The following RANGAP1 variants were observed in gnomAD, a reference collection of about 807,000 sequenced individuals.
RANGAP1 encodes Ran GTPase activating protein 1.
Under a neutral mutation model 63.5 loss-of-function variants are expected in RANGAP1, and 38 were observed. The observed-to-expected ratio is 0.60, with a 90% CI of 0.46 to 0.78. The LOEUF is 0.78. Among genes scored for constraint, RANGAP1 ranks in the 30% least tolerant of loss-of-function variants. The pLI, the probability that RANGAP1 is intolerant of heterozygous loss-of-function variation, is 0.00. For synonymous variants in RANGAP1, 329 were observed against 310.5 expected (o/e 1.06, Z -0.63); for missense variants, 630 against 740.3 (o/e 0.85, Z 1.73).
intron 12 of RANGAP1, among the ~76,000 whole-genome samples, chr22:41,251,608 A>G (rs528551513): frequency 6.6e-6 from 1 of 151,810 alleles, no homozygotes; most frequent in African/African-American, 2.4e-5. Flanking sequence ...CCGGAGTCAC[A>G]AAGCAAAACA....
the RANGAP1 span, chr22:41,301,698 G>C: frequency 6.6e-6 from 1 of 152,130 alleles, no homozygotes; most frequent in Non-Finnish European, 1.5e-5. Flanking sequence ...TAATAATAAC[G>C]TAATCATACC....
chr22:41,260,265 C>G (rs1307441988), intron 6 of RANGAP1, among the ~76,000 whole-genome samples: 1 of 152,142 alleles, frequency 6.6e-6, no homozygotes, highest in Admixed American at 6.5e-5. Context: ...CCTATGAAGG[C>G]TCAACACAAC....
intron 1 of RANGAP1, among the ~76,000 whole-genome samples, chr22:41,284,014 T>G (rs1274034574): frequency 6.6e-6 from 1 of 152,124 alleles, no homozygotes; most frequent in East Asian, 1.9e-4. Flanking sequence ...TTTGGGAGGC[T>G]GAGGTGGGCG....
the RANGAP1 span, among the ~76,000 whole-genome samples, chr22:41,293,777 A>AG: frequency 1.2e-5 from 1 of 84,468 alleles, no homozygotes; most frequent in African/African-American, 3.0e-5. Flanking sequence ...AAAAAAAAAA[A>AG]AAAAGAAAAG....
At chr22:41,299,903 C>T in the RANGAP1 span, among the ~76,000 whole-genome samples, 2 of 152,058 alleles carry the variant, frequency 1.3e-5, no homozygotes, top group East Asian at 1.9e-4. Context: ...AGGCTCCCGA[C>T]ACCACGCCCA....
chr22:41,254,589 C>T, intron 10 of RANGAP1, 95 bp from the exon 11 acceptor site: 2 of 1,488,476 alleles, frequency 1.3e-6, no homozygotes, highest in East Asian at 2.4e-5. Context: ...CTCACCTCAG[C>T]CAGGAGGGAG....
intron 4 of RANGAP1, among the ~76,000 whole-genome samples, chr22:41,266,789 C>A (rs2034501555): frequency 6.6e-6 from 1 of 152,138 alleles, no homozygotes; most frequent in Non-Finnish European, 1.5e-5. Context: ...GTGCACCGCC[C>A]CCCACCTTGG....
At chr22:41,296,699 C>G in the RANGAP1 span, among the ~76,000 whole-genome samples, 1 of 150,720 alleles carries the variant, frequency 6.6e-6, no homozygotes, top group Non-Finnish European at 1.5e-5. Context: ...CATATAATAA[C>G]TCAGTCCTTG....
Position 41,252,999 on chromosome 22 carries a change from G to GT in RANGAP1, c.1261-9dup. The GT allele has an allele frequency of 6.8e-7, 1 of 1,468,014 alleles. No individual in the cohort carries two copies. Among genetic ancestry groups the GT allele is most frequent in the Non-Finnish European group, 9.0e-7 (1 of 1,109,984 alleles). 90.9% of individuals were successfully genotyped at this position (1,468,014 alleles called of 1,614,324 possible). A position where few individuals can be genotyped will look rare whatever the true frequency, so the allele number is the denominator to read the frequency against. ...CAGCACGGGAGCTGGCTCCTGGGAA[G>GT]TAGGGGCACAGAGGCTCTGGAGAAT... is the stretch of plus-strand genomic sequence containing the variant. On this transcript the variant is annotated splice_polypyrimidine_tract_variant and intron_variant, in intron 11 of 15. Transcript: ENST00000356244.
chr22:41,248,963 G>A (rs531858433), intron 15 of RANGAP1, among the ~76,000 whole-genome samples: 6 of 152,356 alleles, frequency 3.9e-5, no homozygotes, highest in Non-Finnish European at 7.3e-5. Context: ...GTCACCAACC[G>A]CAGCACCTCG....
rs2032981446 is a variant in RANGAP1, at chr22:41,245,659, A to G, written c.*944T>C. ...TGTGAAGCCCCCGGGCACAGCCCAGACACACACAGAGCACAAAGGGGAAAG... is the reference window on the plus strand; with the variant it reads ...TGTGAAGCCCCCGGGCACAGCCCAGGCACACACAGAGCACAAAGGGGAAAG... On this transcript the variant is annotated 3_prime_UTR_variant, in exon 16 of 16. Coordinates refer to ENST00000356244, the MANE Select transcript of RANGAP1 (RefSeq NM_002883.4). The G allele has an allele frequency of 6.6e-6, 1 of 152,446 alleles. No homozygotes were observed. Among genetic ancestry groups the G allele is most frequent in the South Asian group, 2.1e-4 (1 of 4,838 alleles). The allele number at this position is 152,446 out of a possible 1,614,324, so 9.4% of individuals were successfully genotyped here.
At chr22:41,272,521 A>AT (rs756974764) in intron 3 of RANGAP1, among the ~76,000 whole-genome samples, 45 of 148,950 alleles carry the variant, frequency 3.0e-4, no homozygotes, top group Admixed American at 2.1e-3. Context: ...CATCTCTGCT[A>AT]TTTTTTTTTC....
At chr22:41,300,425 A>AACACACACACACACAC in the RANGAP1 span, among the ~76,000 whole-genome samples, 1 of 40,150 alleles carries the variant, frequency 2.5e-5, no homozygotes, top group African/African-American at 9.7e-5. Flanking sequence ...GGGTATTGGG[A>AACACACACACACACAC]ACTCACACAC....
chr22:41,298,172 T>A, the RANGAP1 span, among the ~76,000 whole-genome samples: 1 of 151,930 alleles, frequency 6.6e-6, no homozygotes, highest in Non-Finnish European at 1.5e-5. Flanking sequence ...CCAGCTAATT[T>A]TTGTATTTTT....
At chr22:41,275,774 G>T (rs932121409) in intron 2 of RANGAP1, among the ~76,000 whole-genome samples, 7 of 143,480 alleles carry the variant, frequency 4.9e-5, no homozygotes, top group African/African-American at 1.5e-4. Flanking sequence ...GTGAGACTCT[G>T]TCTCAAGAAA....
chr22:41,274,831 C>T, intron 2 of RANGAP1, 104 bp from the exon 3 acceptor site: 2 of 1,437,340 alleles, frequency 1.4e-6, no homozygotes, highest in South Asian at 1.2e-5. Flanking sequence ...CTATGGTGCA[C>T]CTACCATGCA....
chr22:41,263,010 C>A (rs570833683), intron 5 of RANGAP1, among the ~76,000 whole-genome samples: 1 of 152,192 alleles, frequency 6.6e-6, no homozygotes, highest in African/African-American at 2.4e-5. Flanking sequence ...TCCCAAGAGG[C>A]ATAGGTCAGC....
chr22:41,297,512 C>CTT, the RANGAP1 span, among the ~76,000 whole-genome samples: 4 of 142,292 alleles, frequency 2.8e-5, no homozygotes, highest in Admixed American at 7.1e-5. Context: ...GGGTACAGTA[C>CTT]TTTTTTTTTT....
chr22:41,263,861 G>A (rs1048677796), intron 5 of RANGAP1, among the ~76,000 whole-genome samples: 29 of 152,350 alleles, frequency 1.9e-4, no homozygotes, highest in African/African-American at 6.5e-4. Context: ...GGCTCCATGG[G>A]CCTCACAGCA....
Sources: allele counts gnomAD v4.1 joint callset (sites outside exome capture counted in the v4.1 genomes callset), GRCh38; gene constraint gnomAD v4.1.1; transcripts MANE v1.5; gene names NCBI Gene and HGNC (gene_info 2026-07-23, HGNC 2026-07-21).